The following SPEG variants were observed in gnomAD, a reference collection of about 807,000 sequenced individuals.
The protein encoded by SPEG is striated muscle enriched protein kinase.
In SPEG, 114 loss-of-function variants were observed where a neutral mutation model predicts 300.4. That is an observed-to-expected ratio of 0.38 (90% CI 0.33 to 0.44). SPEG has a LOEUF of 0.44. SPEG is among the 20% of genes least tolerant of loss of function. The pLI is 1.00. For missense variants in SPEG, 4,201 were observed against 4,586.2 expected, an observed-to-expected ratio of 0.92 and a Z score of 2.43; for synonymous variants, 1,964 against 2,018.9, an observed-to-expected ratio of 0.97 and a Z score of 0.73.
In SPEG at chr2:219,478,014, G is replaced by A. The variant is rs1692509248; in HGVS notation, c.4936G>A (p.Ala1646Thr). The A allele has an allele frequency of 6.2e-7, 1 of 1,614,202 alleles. No homozygotes were observed. The highest frequency in any genetic ancestry group is 8.5e-7 in the Non-Finnish European group (1 of 1,180,044). Residue 1646 changes from alanine to threonine, a missense_variant, in exon 22 of 41, where the codon GCC becomes ACC. Ala to Thr is a moderately conservative substitution (Grantham distance 58, BLOSUM62 0). This residue lies in a region of SPEG where 1,047 missense variants were observed against 1,356.8 expected (regional missense o/e 0.77). Transcript: ENST00000312358. ...GCCAAAGGCATCAGCGCGTCGGGAG[G>A]CCCGGCTGCTGGCCAGGCTCCAGCA... ...AKPKASARRE[A>T]RLLARLQHDC...
In SPEG at chr2:219,449,121, C is replaced by A. The variant is rs891403654; in HGVS notation, c.1963C>A (p.Gln655Lys). ...TPGLEGAAVP[Q>K]TLEKNRAGPE... ...GGGCCTGGAGGGCGCTGCTGTACCC[C>A]AGACCTTGGAGAAGAACAGGGCGGG... is the stretch of plus-strand genomic sequence containing the variant. Residue 655 changes from glutamine to lysine, a missense_variant, in exon 4 of 41, where the codon CAG (glutamine) becomes AAG (lysine). Transcript: ENST00000312358. The A allele has an allele frequency of 1.0e-5, 15 of 1,462,042 alleles. No homozygotes were observed. Among genetic ancestry groups the A allele is most frequent in the Non-Finnish European group, 1.2e-5 (13 of 1,109,598 alleles). 90.6% of individuals were successfully genotyped at this position (1,462,042 alleles called of 1,614,324 possible).
chr2:219,460,062 T>C (rs1182411574), intron 6 of SPEG, among the ~76,000 whole-genome samples: 8 of 152,172 alleles, frequency 5.3e-5, no homozygotes, highest in Non-Finnish European at 1.0e-4. Context: ...AAGGGGCCAT[T>C]TGGGGGAGGC....
At position 219,439,218 on chromosome 2, in the gene SPEG, T is replaced by G. The variant is rs546767582; in HGVS notation, c.388+3853T>G. Among the ~76,000 whole-genome samples, 1 of 152,272 alleles carries G rather than the reference T, an allele frequency of 6.6e-6. No individual in the cohort carries two copies. The highest frequency in any genetic ancestry group is 2.1e-4 in the South Asian group (1 of 4,818). On this transcript the variant is annotated intron_variant, in intron 1 of 40. Coordinates refer to ENST00000312358, the MANE Select transcript of SPEG (RefSeq NM_005876.5). The surrounding 1 kb of genome is among the most constrained non-coding windows in gnomAD (Gnocchi z 4.5). ...TGGAAGCCGTTGCAGGAAGATTTAC[T>G]GTCCCCGTTCCCATCACTGCTTACC...
rs561098156 is a variant in SPEG, at chr2:219,491,288, A to T, written c.9385+332A>T. 8.5e-5 allele frequency among the ~76,000 whole-genome samples: 13 copies of T among 152,314 alleles called. No individual in the cohort carries two copies. In the South Asian group the frequency reaches 2.7e-3, roughly 32 times the overall value. ...AAATAAGGAGAACCAGCTACCATCG[A>T]GCACCCTGCTAAATGCTTGACGTTC... On this transcript the variant is annotated intron_variant, in intron 38 of 40. Coordinates refer to ENST00000312358, the MANE Select transcript of SPEG (RefSeq NM_005876.5).
Position 219,473,551 on chromosome 2 carries a change from G to C in SPEG, c.4195G>C (p.Val1399Leu). 1 of 1,614,160 alleles carries C rather than the reference G, an allele frequency of 6.2e-7. No homozygotes were observed. The highest frequency in any genetic ancestry group is 8.5e-7 in the Non-Finnish European group (1 of 1,180,036). Residue 1399 changes from valine (V) to leucine (L), a missense_variant, in exon 17 of 41, where the codon GTG (valine) becomes CTG (leucine). By Grantham distance (32) the Val-to-Leu change is conservative. This residue lies in a region of SPEG where 1,047 missense variants were observed against 1,356.8 expected (regional missense o/e 0.77). Transcript: ENST00000312358. The surrounding 1 kb of genome is among the most constrained non-coding windows in gnomAD (Gnocchi z 4.6). ...TGCCATGCTGGACAAACCAGACATC[G>C]TGTATGTGGTGGAGGGACAGCCTGC... The part of the protein sequence containing the change: ...APAMLDKPDI[V>L]YVVEGQPASV...
rs1257712164 is a variant in SPEG at position 219,485,333 on chromosome 2, T to C, written c.7610-13T>C. The C allele has an allele frequency of 1.9e-6, 3 of 1,601,646 alleles. No individual in the cohort carries two copies. The highest frequency in any genetic ancestry group is 1.3e-5 in the African/African-American group (1 of 74,076). On this transcript the variant is annotated splice_polypyrimidine_tract_variant and intron_variant, in intron 30 of 40. Transcript: ENST00000312358. ...CTGACTGAACAAATACTCACGGGCC[T>C]GAGTCTTCACAGCCCCAGGGGAAAG...
chr2:219,485,872 C>T (rs922212199), intron 31 of SPEG, among the ~76,000 whole-genome samples: 11 of 152,154 alleles, frequency 7.2e-5, no homozygotes, highest in African/African-American at 1.4e-4. Context: ...TTACGTCTGT[C>T]GGGCTGGCCT....
At position 219,477,357 on chromosome 2, in the gene SPEG, G is replaced by T. The variant is rs556545308; in HGVS notation, c.4641G>T (p.Thr1547=). 8 of 1,613,100 alleles carry T rather than the reference G, an allele frequency of 5.0e-6. No individual in the cohort carries two copies. The highest frequency in any genetic ancestry group is 6.8e-6 in the Non-Finnish European group (8 of 1,179,732). ...AGTGCTCCCTGGTGGTGCTCAGCAC[G>T]GGGGCCCAGGATGGAGGCGTCTACA... ...ENECSLVVLS[T]GAQDGGVYTC... The change falls in exon 20 of 41, where the codon ACG becomes ACT. Residue 1547 remains threonine (T), a synonymous_variant. Transcript: ENST00000312358. The surrounding 1 kb of genome is among the most constrained non-coding windows in gnomAD (Gnocchi z 6.4).
Position 219,473,465 on chromosome 2 carries a change from G to C in SPEG, c.4148-39G>C. 1.2e-6 allele frequency: 2 copies of C among 1,605,568 alleles called. No individual in the cohort carries two copies. Among genetic ancestry groups the C allele is most frequent in the Non-Finnish European group, 1.7e-6 (2 of 1,174,046 alleles). On this transcript the variant is annotated intron_variant, in intron 16 of 40. Coordinates refer to ENST00000312358, the MANE Select transcript of SPEG (RefSeq NM_005876.5). This position sits in a 1 kb window ranked among gnomAD's most constrained non-coding sequence, Gnocchi z 4.6. Reference sequence around the variant, plus strand: ...GAGTGGTGGGTGCTGAGGACCTGATGTCAAGCCCAGCACAGAGCCTGCGCT... The same window carrying C: ...GAGTGGTGGGTGCTGAGGACCTGATCTCAAGCCCAGCACAGAGCCTGCGCT...
intron 15 of SPEG, 74 bp downstream of exon 15, chr2:219,472,405 GGGCCA>G: frequency 7.5e-7 from 1 of 1,338,606 alleles, no homozygotes; most frequent in South Asian, 1.2e-5. Context: ...GACACCATGG[GGGCCA>G]GGCCCCAGAA....
rs577834717 is a variant in SPEG, at chr2:219,440,986, T to C, written c.389-3667T>C. 1.9e-3 allele frequency among the ~76,000 whole-genome samples: 294 copies of C among 152,352 alleles called. 1 individual carries two copies. Among genetic ancestry groups the C allele is most frequent in the African/African-American group, 6.8e-3 (284 of 41,582 alleles). On this transcript the variant is annotated intron_variant, in intron 1 of 40. Coordinates refer to ENST00000312358, the MANE Select transcript of SPEG (RefSeq NM_005876.5). The stretch of plus-strand genomic sequence containing the variant: ...TAGAACCTGTATGGCTTTGACTAAG[T>C]GATAGGACTTCTCTGAGACTCAGTC...
At chr2:219,455,827 C>T (rs751313982) in intron 6 of SPEG, among the ~76,000 whole-genome samples, 2 of 152,174 alleles carry the variant, frequency 1.3e-5, no homozygotes, top group Non-Finnish European at 2.9e-5. Context: ...GCACACCCAG[C>T]TTCCCCACCG....
Position 219,484,775 on chromosome 2 carries a change from A to G in SPEG, c.7312A>G (p.Ser2438Gly). ...AWEARGGDGE[S>G]SEGGSSARGS... The stretch of plus-strand genomic sequence containing the variant: ...GGAGGCCCGCGGCGGGGACGGAGAG[A>G]GCTCGGAGGGCGGGAGCTCGGCGCG... The change falls in exon 30 of 41, where the codon AGC becomes GGC. Residue 2438 changes from serine (S) to glycine (G), a missense_variant. Around this residue, in one of 4 missense-constraint regions of SPEG, gnomAD observed 1,578 missense variants for 1,506.0 expected, o/e 1.05. Transcript: ENST00000312358. 1 of 1,466,114 alleles carries G rather than the reference A, an allele frequency of 6.8e-7. No homozygotes were observed. Among genetic ancestry groups the G allele is most frequent in the Non-Finnish European group, 8.9e-7 (1 of 1,120,104 alleles). 90.8% of individuals were successfully genotyped at this position (1,466,114 alleles called of 1,614,324 possible).
At chr2:219,469,822 A>G (rs1290326174) in intron 13 of SPEG, among the ~76,000 whole-genome samples, 1 of 152,152 alleles carries the variant, frequency 6.6e-6, no homozygotes, top group Non-Finnish European at 1.5e-5. Flanking sequence ...CAGCGGTGGT[A>G]CTTCCTGGAG....
chr2:219,453,370 C>T (rs955425878), intron 6 of SPEG, among the ~76,000 whole-genome samples: 7 of 152,206 alleles, frequency 4.6e-5, no homozygotes, highest in African/African-American at 9.6e-5. Context: ...CGGATGAAAG[C>T]GAATGTGTGA....
chr2:219,491,991 C>G, intron 39 of SPEG, 120 bp from the exon 40 acceptor site: 2 of 1,358,334 alleles, frequency 1.5e-6, no homozygotes. Context: ...ACACTGCACA[C>G]TCACACTCAG....
chr2:219,449,384 T>C, intron 4 of SPEG, 113 bp downstream of exon 4: 1 of 815,268 alleles, frequency 1.2e-6, no homozygotes, highest in Non-Finnish European at 1.7e-6. Flanking sequence ...CTGGGGCTGC[T>C]AGCCAGCTGC....
At position 219,473,425 on chromosome 2, in the gene SPEG, T is replaced by C; in HGVS notation, c.4148-79T>C. The C allele has an allele frequency of 7.4e-7, 1 of 1,358,206 alleles. No homozygotes were observed. Among genetic ancestry groups the C allele is most frequent in the Middle Eastern group, 2.4e-4 (1 of 4,222 alleles). 84.1% of individuals were successfully genotyped at this position (1,358,206 alleles called of 1,614,324 possible). ...TGTAAAAACGGAACTCAAGTGTTGA[T>C]GAGGGGTGTTAGAGGAGTGGTGGGT... is the stretch of plus-strand genomic sequence containing the variant. On this transcript the variant is annotated intron_variant, in intron 16 of 40. Transcript: ENST00000312358. This position sits in a 1 kb window ranked among gnomAD's most constrained non-coding sequence, Gnocchi z 4.6.
intron 8 of SPEG, among the ~76,000 whole-genome samples, chr2:219,463,261 G>A (rs1006059776): frequency 6.6e-6 from 1 of 152,070 alleles, no homozygotes; most frequent in African/African-American, 2.4e-5. Flanking sequence ...GCAGCCCCGA[G>A]TTAAATGTGG....
Sources: allele counts gnomAD v4.1 joint callset (sites outside exome capture counted in the v4.1 genomes callset), GRCh38; gene constraint gnomAD v4.1.1; regional missense constraint gnomAD v4.1.1; non-coding constraint Gnocchi (gnomAD v3.1); transcripts MANE v1.5; gene names NCBI Gene and HGNC (gene_info 2026-07-23, HGNC 2026-07-21).